Variants in FLNB observed in about 807,000 individuals in gnomAD.
FLNB encodes filamin-B.
A neutral mutation model predicts 250.6 loss-of-function variants in FLNB; 111 were observed. The ratio of observed to expected loss-of-function variants is 0.44; its 90% CI spans 0.38 to 0.52. The LOEUF is 0.52. Among genes scored for constraint, FLNB ranks in the 20% least tolerant of loss-of-function variants. FLNB has a pLI of 0.00. For missense variants in FLNB, 2,869 were observed against 3,447.8 expected, an observed-to-expected ratio of 0.83 and a Z score of 4.20; for synonymous variants, 1,302 against 1,372.1, an observed-to-expected ratio of 0.95 and a Z score of 1.13.
intron 1 of FLNB, among the ~76,000 whole-genome samples, chr3:58,025,135 T>TTC (rs1178146340): frequency 8.3e-5 from 12 of 144,176 alleles, no homozygotes; most frequent in African/African-American, 2.3e-4. Flanking sequence ...CTTTCTTTCT[T>TTC]TTTTTTTTTT....
rs1253031591 is a variant in FLNB at position 58,132,914 on chromosome 3, T to C, written c.4497T>C (p.Asp1499=). Residue 1499 remains aspartate, a synonymous_variant, in exon 26 of 46, where the codon GAT becomes GAC. Coordinates refer to ENST00000295956, the MANE Select transcript of FLNB (RefSeq NM_001457.4). ...GPYMVSVKYA[D]EEIPRSPFKV... is the part of the protein sequence containing the mutation. ...ACATGGTCTCAGTTAAATATGCTGA[T>C]GAAGAGATTCCTCGCAGGTAAGCTC... The C allele has an allele frequency of 1.2e-6, 2 of 1,613,792 alleles. No homozygotes were observed. Among genetic ancestry groups the C allele is most frequent in the African/African-American group, 1.3e-5 (1 of 74,920 alleles).
At chr3:58,170,031 T>C (rs2107345991) in intron 45 of FLNB, among the ~76,000 whole-genome samples, 1 of 152,358 alleles carries the variant, frequency 6.6e-6, no homozygotes, top group South Asian at 2.1e-4. Flanking sequence ...GTTGCCTGGG[T>C]TCTGGCATCC....
Position 58,142,710 on chromosome 3 carries a change from G to A in FLNB, c.5242G>A (p.Asp1748Asn), listed in dbSNP as rs371191222. 4 of 1,614,102 alleles carry A rather than the reference G, an allele frequency of 2.5e-6. No individual in the cohort carries two copies. The African/African-American group carries it at 5.3e-5, about 22-fold the overall frequency. Residue 1748 changes from aspartate to asparagine, a missense_variant, in exon 31 of 46, where the codon GAC becomes AAC. Around this residue, in one of 5 missense-constraint regions of FLNB, gnomAD observed 1,084 missense variants for 1,315.5 expected, o/e 0.82. Coordinates refer to ENST00000295956, the MANE Select transcript of FLNB (RefSeq NM_001457.4). The surrounding 1 kb of genome is among the most constrained non-coding windows in gnomAD (Gnocchi z 4.3). ...DMNGLGFKPF[D>N]LVIPFAVRKG... ...GAACGGCCTGGGATTTAAGCCTTTT[G>A]ACCTGGTCATTCCGTTTGCTGTCAG...
intron 4 of FLNB, among the ~76,000 whole-genome samples, chr3:58,090,026 A>G (rs965919014): frequency 6.6e-6 from 1 of 152,146 alleles, no homozygotes; most frequent in African/African-American, 2.4e-5. Flanking sequence ...ACCTTAGGTG[A>G]TCCACCTCGG....
intron 17 of FLNB, 52 bp downstream of exon 17, chr3:58,111,933 T>C: frequency 5.5e-6 from 8 of 1,456,238 alleles, no homozygotes; most frequent in Non-Finnish European, 6.8e-6. Context: ...CCGGTGGCAC[T>C]GGGCGTGTTT....
intron 41 of FLNB, among the ~76,000 whole-genome samples, 177 bp from the exon 42 acceptor site, chr3:58,159,377 G>A (rs936731113): frequency 2.0e-5 from 3 of 152,156 alleles, no homozygotes; most frequent in African/African-American, 4.8e-5. Context: ...GCAGATGCAC[G>A]TCTCTGCTAT....
At chr3:58,137,954 CT>C (rs1483478843) in intron 28 of FLNB, among the ~76,000 whole-genome samples, 1 of 152,198 alleles carries the variant, frequency 6.6e-6, no homozygotes, top group Non-Finnish European at 1.5e-5. Context: ...TCTTGCCCAC[CT>C]TTATGTGTAC....
intron 35 of FLNB, 36 bp downstream of exon 35, chr3:58,148,400 C>T (rs1268644377): frequency 6.2e-7 from 1 of 1,601,396 alleles, no homozygotes; most frequent in Non-Finnish European, 8.5e-7. Flanking sequence ...GGAGCCAGGA[C>T]ATCTTGGGTG....
At chr3:58,145,855 G>T in intron 32 of FLNB, 66 bp from the exon 33 acceptor site, 2 of 1,609,588 alleles carry the variant, frequency 1.2e-6, no homozygotes, top group Non-Finnish European at 1.7e-6. Flanking sequence ...CAAGATGCCA[G>T]TTGTCCAGGG....
chr3:58,135,805 G>C (rs975934923), intron 27 of FLNB, among the ~76,000 whole-genome samples, 174 bp from the exon 28 acceptor site: 5 of 152,118 alleles, frequency 3.3e-5, no homozygotes, highest in Non-Finnish European at 7.4e-5. Context: ...GTGTTAAAGG[G>C]ATCTGTGACC....
At chr3:58,155,937 A>T (rs1452459403) in intron 40 of FLNB, 23 bp from the exon 41 acceptor site, 1 of 1,535,096 alleles carries the variant, frequency 6.5e-7, no homozygotes, top group Non-Finnish European at 9.0e-7. Flanking sequence ...CTCTGAAATG[A>T]TGGGACTTTC....
chr3:58,088,128 G>A (rs867322806), intron 4 of FLNB, among the ~76,000 whole-genome samples: 1 of 121,526 alleles, frequency 8.2e-6, no homozygotes, highest in Non-Finnish European at 1.6e-5. Flanking sequence ...TGCAACCCCC[G>A]CCTCTGCCTC....
At position 58,054,520 on chromosome 3, in the gene FLNB, C is replaced by A. The variant is rs1576641096; in HGVS notation, c.293-22526C>A. ...GGCTGGGGAAGTCTCGGGAAACTTA[C>A]AATCATGGCAGAAGGGGAAGCAAAC... On this transcript the variant is annotated intron_variant, in intron 1 of 45. Coordinates refer to ENST00000295956, the MANE Select transcript of FLNB (RefSeq NM_001457.4). 5.3e-5 allele frequency among the ~76,000 whole-genome samples: 8 copies of A among 152,258 alleles called. No individual in the cohort carries two copies. The South Asian group carries it at 1.7e-3, about 32-fold the overall frequency.
At chr3:58,159,355 A>C (rs915865076) in intron 41 of FLNB, among the ~76,000 whole-genome samples, 199 bp from the exon 42 acceptor site, 2 of 152,222 alleles carry the variant, frequency 1.3e-5, no homozygotes, top group South Asian at 4.1e-4. Context: ...GATGGTTTGC[A>C]TAAGAGACCA....
intron 1 of FLNB, among the ~76,000 whole-genome samples, chr3:58,042,259 A>G: frequency 6.6e-6 from 1 of 150,988 alleles, no homozygotes; most frequent in Non-Finnish European, 1.5e-5. Flanking sequence ...GGTAAACTTT[A>G]GATTTGCATT....
At chr3:58,054,568 C>T (rs569939066) in intron 1 of FLNB, among the ~76,000 whole-genome samples, 3 of 152,124 alleles carry the variant, frequency 2.0e-5, no homozygotes, top group South Asian at 2.1e-4. Context: ...ACATGGAGGC[C>T]GCAGCAAGGA....
In FLNB at chr3:58,106,794, T is replaced by TG. The variant is rs748458644; in HGVS notation, c.1863dup (p.Cys622ValfsTer2). ...CCTGGCGAATATGCTGTTCACATCA[T>TG]GTGTGACGACGAAGACATCAAGGAC... On this transcript the variant is annotated frameshift_variant, in exon 12 of 46. Coordinates refer to ENST00000295956, the MANE Select transcript of FLNB (RefSeq NM_001457.4). LOFTEE classifies it high-confidence loss of function. The TG allele has an allele frequency of 6.2e-7, 1 of 1,614,116 alleles. No individual in the cohort carries two copies. Among genetic ancestry groups the TG allele is most frequent in the Non-Finnish European group, 8.5e-7 (1 of 1,179,990 alleles).
chr3:58,019,608 A>G (rs2097110776), intron 1 of FLNB, among the ~76,000 whole-genome samples: 1 of 152,126 alleles, frequency 6.6e-6, no homozygotes, highest in Non-Finnish European at 1.5e-5. Context: ...TGAGTTTCAC[A>G]CTCTGTAAAG....
intron 33 of FLNB, 95 bp from the exon 34 acceptor site, chr3:58,146,725 G>C: frequency 7.7e-7 from 1 of 1,301,694 alleles, no homozygotes; most frequent in Non-Finnish European, 1.1e-6. Context: ...ATTGTCCCCA[G>C]CATCAGGGCT....
Sources: gnomAD v4.1 joint callset for allele counts (sites outside exome capture counted in the v4.1 genomes callset) on GRCh38, gnomAD v4.1.1 for gene constraint, gnomAD v4.1.1 regional missense constraint, Gnocchi (gnomAD v3.1) non-coding constraint, MANE v1.5 for transcripts, NCBI Gene and HGNC (gene_info 2026-07-23, HGNC 2026-07-21) for gene names.